HMCN1: variants seen among roughly 807,000 people sequenced by gnomAD.
HMCN1 encodes the protein hemicentin-1.
A neutral mutation model predicts 625.9 loss-of-function variants in HMCN1; 321 were observed. That is an observed-to-expected ratio of 0.51 (90% CI 0.47 to 0.56). HMCN1 has a LOEUF of 0.56. Ranked by LOEUF, HMCN1 falls within the 20% of genes least tolerant of loss-of-function variation. The pLI is 0.00. For missense variants in HMCN1, 6,588 were observed against 6,887.3 expected (o/e 0.96, Z 1.54); for synonymous variants, 2,425 against 2,417.6 (o/e 1.00, Z -0.09).
In HMCN1 at chr1:185,875,508, G is replaced by A. The variant is rs187935643; in HGVS notation, c.621+9645G>A. On this transcript the variant is annotated intron_variant, in intron 4 of 106. Coordinates refer to ENST00000271588, the MANE Select transcript of HMCN1 (RefSeq NM_031935.3). ...ACTTTCTGTTTTGCTTCTTCCTTAA[G>A]TACAGGCCTTCTGTTCTTCACTCAA... 2.0e-3 allele frequency among the ~76,000 whole-genome samples: 299 copies of A among 152,146 alleles called. 4 individuals carry two copies. The highest frequency in any genetic ancestry group is 7.0e-3 in the African/African-American group (292 of 41,546).
chr1:185,809,429 G>C lies in HMCN1; in HGVS notation c.269-36597G>C, dbSNP rs574448870. Among the ~76,000 whole-genome samples, 422 of 151,070 alleles carry C rather than the reference G, an allele frequency of 2.8e-3. 1 individual carries two copies. The highest frequency in any genetic ancestry group is 9.7e-3 in the African/African-American group (397 of 40,888). Reference sequence around the variant, plus strand: ...TATATACATCACTAGACATTCCTGGGCATTATATATACTATAACATAGTAT... The same window carrying C: ...TATATACATCACTAGACATTCCTGGCCATTATATATACTATAACATAGTAT... On this transcript the variant is annotated intron_variant, in intron 1 of 106. Coordinates refer to ENST00000271588, the MANE Select transcript of HMCN1 (RefSeq NM_031935.3).
chr1:185,837,136 A>G (rs148474676), intron 1 of HMCN1, among the ~76,000 whole-genome samples: 133 of 151,672 alleles, frequency 8.8e-4, no homozygotes, highest in African/African-American at 3.1e-3. Context: ...GCAATTGTGA[A>G]TAGTGCTGTG....
intron 1 of HMCN1, among the ~76,000 whole-genome samples, chr1:185,749,065 G>A (rs1020713247): frequency 9.2e-5 from 14 of 152,136 alleles, no homozygotes; most frequent in Admixed American, 6.5e-4. Context: ...AGTTTATATG[G>A]TGTTGTTACT....
In HMCN1 at chr1:186,048,778, C is replaced by A; in HGVS notation, c.6516C>A (p.Tyr2172Ter). 6.2e-7 allele frequency: 1 copy of A among 1,611,706 alleles called. No individual in the cohort carries two copies. The highest frequency in any genetic ancestry group is 8.5e-7 in the Non-Finnish European group (1 of 1,178,324). ...CTCAGGTTCAAGACACTGGTCGTTA[C>A]ACTTGTGAAGCAACAAATGTTGCTG... is the stretch of plus-strand genomic sequence containing the variant. ...EDAQVQDTGRYTCEATNVAGK... is the reference protein window; with the variant it reads ...EDAQVQDTGR Residue 2172 changes from tyrosine (Y) to a stop codon, truncating the protein, a stop_gained, in exon 42 of 107, where the codon TAC becomes TAA. Coordinates refer to ENST00000271588, the MANE Select transcript of HMCN1 (RefSeq NM_031935.3). LOFTEE classifies it high-confidence loss of function.
chr1:186,190,067 G>A lies in HMCN1; in HGVS notation c.*189G>A. On this transcript the variant is annotated 3_prime_UTR_variant, in exon 107 of 107. Transcript: ENST00000271588. ...GATCCCACCATGGTCATATCTTGAAGTATGGTCTAGAAAAGTCCCTTATTA... is the reference window on the plus strand; with the variant it reads ...GATCCCACCATGGTCATATCTTGAAATATGGTCTAGAAAAGTCCCTTATTA... 1.5e-6 allele frequency: 1 copy of A among 666,800 alleles called. No individual in the cohort carries two copies. Among genetic ancestry groups the A allele is most frequent in the South Asian group, 1.8e-5 (1 of 56,276 alleles). The allele number at this position is 666,800 out of a possible 1,614,324, so 41.3% of individuals were successfully genotyped here. A position where few individuals can be genotyped will look rare whatever the true frequency, so the allele number is the denominator to read the frequency against.
At chr1:186,140,855 T>C (rs938451543) in intron 89 of HMCN1, among the ~76,000 whole-genome samples, 4 of 152,196 alleles carry the variant, frequency 2.6e-5, no homozygotes, top group Non-Finnish European at 5.9e-5. Flanking sequence ...GAACCTAACC[T>C]TTTTGGCACC....
At chr1:185,907,560 G>T (rs16824726) in intron 4 of HMCN1, among the ~76,000 whole-genome samples, 10,813 of 151,908 alleles carry the variant, frequency 0.071, 1,349 homozygotes, top group African/African-American at 0.25. Flanking sequence ...GGAGTACTTC[G>T]GTCTCTGTCT....
At chr1:186,057,137 T>C (rs943326435) in intron 45 of HMCN1, 97 bp from the exon 46 acceptor site, 10 of 995,164 alleles carry the variant, frequency 1.0e-5, no homozygotes, top group Admixed American at 3.8e-5. Flanking sequence ...ACATACACTG[T>C]TTAGGATTTG....
At chr1:185,919,875 A>G (rs1571559383) in intron 6 of HMCN1, among the ~76,000 whole-genome samples, 1 of 152,210 alleles carries the variant, frequency 6.6e-6, no homozygotes, top group Non-Finnish European at 1.5e-5. Context: ...TGTATAAAAA[A>G]TTAAGCTTTA....
chr1:185,893,293 T>C (rs1571517013), intron 4 of HMCN1, among the ~76,000 whole-genome samples: 1 of 152,204 alleles, frequency 6.6e-6, no homozygotes, highest in Admixed American at 6.5e-5. Flanking sequence ...GGCTGGGAGC[T>C]GTAGACTGGA....
chr1:185,843,193 C>A (rs1469128204), intron 1 of HMCN1, among the ~76,000 whole-genome samples: 2 of 152,118 alleles, frequency 1.3e-5, no homozygotes, highest in African/African-American at 4.8e-5. Flanking sequence ...GTTAAATATG[C>A]AGCTTTATTC....
intron 15 of HMCN1, among the ~76,000 whole-genome samples, chr1:185,972,016 C>A (rs148101926): frequency 5.0e-4 from 76 of 152,264 alleles, no homozygotes; most frequent in African/African-American, 1.8e-3. Context: ...TGCTTTTAGA[C>A]ATGTAAGGCC....
chr1:186,138,070 T>A, intron 89 of HMCN1, 98 bp downstream of exon 89: 1 of 1,253,158 alleles, frequency 8.0e-7, no homozygotes, highest in Non-Finnish European at 1.1e-6. Flanking sequence ...TGTAAAAAGA[T>A]GTTATGGCCT....
intron 53 of HMCN1, among the ~76,000 whole-genome samples, chr1:186,076,189 C>T (rs77214101): frequency 0.011 from 1,630 of 152,202 alleles, 31 homozygotes; most frequent in South Asian, 0.035. Flanking sequence ...ACGGGGAGAG[C>T]AAAGCATAAA....
chr1:185,975,203 T>C (rs1014862763), intron 15 of HMCN1, among the ~76,000 whole-genome samples: 5 of 152,180 alleles, frequency 3.3e-5, no homozygotes, highest in South Asian at 2.1e-4. Context: ...GAAAAGTAAC[T>C]AGGTCTTAGA....
At position 186,016,895 on chromosome 1, in the gene HMCN1, G is replaced by T; in HGVS notation, c.5192-68G>T. 3 of 865,574 alleles carry T rather than the reference G, an allele frequency of 3.5e-6. No homozygotes were observed. In the Admixed American group the frequency reaches 5.1e-5, roughly 15 times the overall value. The allele number at this position is 865,574 out of a possible 1,614,324, so 53.6% of individuals were successfully genotyped here. A position where few individuals can be genotyped will look rare whatever the true frequency, so the allele number is the denominator to read the frequency against. On this transcript the variant is annotated intron_variant, in intron 32 of 106. Coordinates refer to ENST00000271588, the MANE Select transcript of HMCN1 (RefSeq NM_031935.3). Reference sequence around the variant, plus strand: ...ATCTTCTGAACTGCTATGTATTATTGCTTCATATGATGGTGTGTTTTTTGT... The same window carrying T: ...ATCTTCTGAACTGCTATGTATTATTTCTTCATATGATGGTGTGTTTTTTGT...
chr1:186,000,369 G>T (rs1653095728), intron 26 of HMCN1, 130 bp downstream of exon 26: 2 of 690,566 alleles, frequency 2.9e-6, no homozygotes, highest in Admixed American at 2.3e-5. Flanking sequence ...GAAATCTGGT[G>T]GTATGATTGC....
chr1:186,152,153 T>C (rs1384918333), intron 95 of HMCN1, among the ~76,000 whole-genome samples: 3 of 152,182 alleles, frequency 2.0e-5, no homozygotes, highest in African/African-American at 7.2e-5. Context: ...AAAGCAAACC[T>C]AAAGGCTTTT....
At chr1:185,869,933 C>G (rs1241628810) in intron 4 of HMCN1, among the ~76,000 whole-genome samples, 1 of 151,610 alleles carries the variant, frequency 6.6e-6, no homozygotes, top group Non-Finnish European at 1.5e-5. Context: ...ATTTTACTCT[C>G]TTAACCTATT....
Sources: allele counts gnomAD v4.1 joint callset (sites outside exome capture counted in the v4.1 genomes callset), GRCh38; gene constraint gnomAD v4.1.1; transcripts MANE v1.5; gene names NCBI Gene and HGNC (gene_info 2026-07-23, HGNC 2026-07-21).